The following SMTN variants were observed in gnomAD, a reference collection of about 807,000 sequenced individuals.
The protein encoded by SMTN is smoothelin.
Under a neutral mutation model 102.0 loss-of-function variants are expected in SMTN, and 58 were observed. The observed-to-expected ratio is 0.57, with a 90% CI of 0.46 to 0.71. The LOEUF (loss-of-function observed/expected upper bound fraction) is 0.71. Among genes scored for constraint, SMTN ranks in the 30% least tolerant of loss-of-function variants. SMTN has a pLI of 0.00. For missense variants in SMTN, 1,185 were observed against 1,241.7 expected, an observed-to-expected ratio of 0.95 and a Z score of 0.69; for synonymous variants, 478 against 497.9, an observed-to-expected ratio of 0.96 and a Z score of 0.53.
intron 8 of SMTN, 142 bp from the exon 9 acceptor site, chr22:31,090,666 G>C (rs2043057453): frequency 5.5e-6 from 4 of 722,696 alleles, no homozygotes; most frequent in Non-Finnish European, 9.9e-6. Flanking sequence ...GGAGGGGATG[G>C]AGAGGTGGGG....
intron 2 of SMTN, among the ~76,000 whole-genome samples, chr22:31,086,607 C>G (rs1183937242): frequency 1.3e-5 from 2 of 152,216 alleles, no homozygotes; most frequent in Non-Finnish European, 2.9e-5. Context: ...GGCCAAGTCA[C>G]TGTTCCCAAC....
rs2147649337 is a variant in SMTN at position 31,088,690 on chromosome 22, T to C, written c.295-9T>C. 6.2e-7 allele frequency: 1 copy of C among 1,613,990 alleles called. No homozygotes were observed. The highest frequency in any genetic ancestry group is 1.1e-5 in the South Asian group (1 of 91,072). On this transcript the variant is annotated splice_polypyrimidine_tract_variant and intron_variant, in intron 4 of 20. Transcript: ENST00000333137. The stretch of plus-strand genomic sequence containing the variant: ...AGCCCAACACCCGCGACCTGTCTCT[T>C]ACCCACAGTTGCGAAGCGCTGGTGA...
chr22:31,088,163 T>G, intron 3 of SMTN, 50 bp downstream of exon 3: 1 of 1,539,452 alleles, frequency 6.5e-7, no homozygotes, highest in Non-Finnish European at 8.8e-7. Context: ...GTGTGAGCCC[T>G]GGCTCAGCTC....
At chr22:31,076,839 G>T (rs1276140681), upstream of SMTN, among the ~76,000 whole-genome samples, 1 of 152,162 alleles carries the variant, frequency 6.6e-6, no homozygotes. Context: ...ACACTGACAG[G>T]TTGGTAAAAT....
rs770090532 is a variant in SMTN, at chr22:31,099,908, C to A, written c.2603+12C>A. 6.2e-7 allele frequency: 1 copy of A among 1,612,358 alleles called. No individual in the cohort carries two copies. Among genetic ancestry groups the A allele is most frequent in the Non-Finnish European group, 8.5e-7 (1 of 1,178,846 alleles). ...TTCTCATCTGCGGAGTAAGTGTGGG[C>A]CCTGGCCCTGCTAATGTTGCTGCAC... is the stretch of plus-strand genomic sequence containing the variant. On this transcript the variant is annotated intron_variant, in intron 19 of 20. Transcript: ENST00000333137.
At chr22:31,064,498 G>A (rs1294020009) in intron 1 of SMTN, 1 of 152,200 alleles carries the variant, frequency 6.6e-6, no homozygotes, top group African/African-American at 2.4e-5. Context: ...GATTTCATAG[G>A]TTTTTTATTT....
chr22:31,103,090 A>T (rs2044226668), intron 20 of SMTN: 1 of 152,176 alleles, frequency 6.6e-6, no homozygotes, highest in South Asian at 2.1e-4. Flanking sequence ...ACTAAAACAG[A>T]GGTGTTCGGT....
In SMTN at chr22:31,096,727, G is replaced by T. The variant is rs1464848447; in HGVS notation, c.1862-6G>T. On this transcript the variant is annotated splice_region_variant and splice_polypyrimidine_tract_variant and intron_variant, in intron 13 of 20. Transcript: ENST00000333137. ...TTTGCGCATGCATGGGGCATCCCCT[G>T]CCCAGACCAGCGGGACAAGGAGCGG... 6.5e-7 allele frequency: 1 copy of T among 1,542,550 alleles called. No homozygotes were observed. The highest frequency in any genetic ancestry group is 1.4e-5 in the African/African-American group (1 of 73,344).
Position 31,089,684 on chromosome 22 carries a change from G to A in SMTN, c.472-15G>A, listed in dbSNP as rs1404600153. The A allele has an allele frequency of 4.4e-6, 7 of 1,587,232 alleles. No homozygotes were observed. In the Admixed American group the frequency reaches 8.4e-5, roughly 19 times the overall value. On this transcript the variant is annotated splice_polypyrimidine_tract_variant and intron_variant, in intron 6 of 20. Coordinates refer to ENST00000333137, the MANE Select transcript of SMTN (RefSeq NM_134269.3). ...GCCTAGGGAGCCTTGGTTGCATCCT[G>A]TGGGTCCCTTACAGGTGCCAGAGCG...
chr22:31,091,100 G>A lies in SMTN; in HGVS notation c.1077G>A (p.Leu359=), dbSNP rs1371523607. 3 of 1,613,884 alleles carry A rather than the reference G, an allele frequency of 1.9e-6. No homozygotes were observed. The highest frequency in any genetic ancestry group is 2.2e-5 in the South Asian group (2 of 91,068). Residue 359 remains leucine (L), a synonymous_variant, in exon 10 of 21, where the codon CTG becomes CTA. Transcript: ENST00000333137. ...DGTPQAALSP[L]TPARLLGPSL... ...CACCCCAGGCTGCCCTAAGTCCCCT[G>A]ACCCCCGCAAGGCTCCTGGGCCCCT...
At chr22:31,085,405 C>A in intron 2 of SMTN, 3 of 931,920 alleles carry the variant, frequency 3.2e-6, no homozygotes, top group Non-Finnish European at 3.1e-6. Flanking sequence ...CATGGGCAAC[C>A]GGGGGAGCTG....
chr22:31,088,988 T>TAAGGAG lies in SMTN; in HGVS notation c.471+19_471+20insAAGGAG. On this transcript the variant is annotated intron_variant, in intron 6 of 20. Transcript: ENST00000333137. ...GTGTGAGGTAAGGAGGGTGGGAGAG[T>TAAGGAG]GGCCCAGTGTCCTGTGCCCATGGAT... The TAAGGAG allele has an allele frequency of 3.1e-6, 5 of 1,596,168 alleles. No homozygotes were observed. Among genetic ancestry groups the TAAGGAG allele is most frequent in the Non-Finnish European group, 4.3e-6 (5 of 1,164,806 alleles).
chr22:31,091,529 C>T (rs577082332), intron 10 of SMTN, 47 bp downstream of exon 10: 61 of 1,513,024 alleles, frequency 4.0e-5, no homozygotes, highest in Middle Eastern at 3.6e-4. Context: ...TGCCTGCAAC[C>T]GCACTTCTGC....
intron 7 of SMTN, 32 bp from the exon 8 acceptor site, chr22:31,090,076 C>G (rs1422284911): frequency 6.2e-7 from 1 of 1,610,730 alleles, no homozygotes; most frequent in Admixed American, 1.7e-5. Flanking sequence ...GGGAGTCAGG[C>G]CTTGCTCAGG....
At position 31,089,215 on chromosome 22, in the gene SMTN, G is replaced by A. The variant is rs562428847; in HGVS notation, c.471+246G>A. On this transcript the variant is annotated intron_variant, in intron 6 of 20. Transcript: ENST00000333137. ...GCCCACATCTTTACCTTGGCTTATG[G>A]GGCCTGCATGTCAGACCCCAGCTGG... Among the ~76,000 whole-genome samples the A allele has an allele frequency of 1.5e-4, 23 of 152,288 alleles. 1 individual carries two copies. The South Asian group carries it at 4.8e-3, about 32-fold the overall frequency.
In SMTN at chr22:31,098,690, C is replaced by T; in HGVS notation, c.2183C>T (p.Ala728Val). 6.2e-7 allele frequency: 1 copy of T among 1,613,552 alleles called. No homozygotes were observed. The highest frequency in any genetic ancestry group is 2.2e-5 in the East Asian group (1 of 44,874). The change falls in exon 17 of 21, where the codon GCC (alanine) becomes GTC (valine). Residue 728 changes from alanine to valine, a missense_variant. Ala to Val is a moderately conservative substitution (Grantham distance 64). This residue lies in a region of SMTN where 1,096 missense variants were observed against 1,112.7 expected (regional missense o/e 0.98). Transcript: ENST00000333137. ...AGCATCTTCGACCGCGAGGACCAGG[C>T]CAGCCCACGGGCCGGCAGCCTGGCG... ...MGSIFDREDQ[A>V]SPRAGSLAAL...
intron 1 of SMTN, chr22:31,068,041 AC>A (rs1294320251): frequency 6.6e-6 from 1 of 152,226 alleles, no homozygotes; most frequent in Non-Finnish European, 1.5e-5. Flanking sequence ...ACAGTGGCTC[AC>A]ATTTGTAATC....
At chr22:31,096,959 C>G in intron 14 of SMTN, 39 bp from the exon 15 acceptor site, 1 of 1,613,692 alleles carries the variant, frequency 6.2e-7, no homozygotes, top group Non-Finnish European at 8.5e-7. Flanking sequence ...CCCCAGCCCC[C>G]TGTGCCTTTC....
chr22:31,100,375 G>T (rs1229821317), intron 19 of SMTN, among the ~76,000 whole-genome samples: 2 of 151,958 alleles, frequency 1.3e-5, no homozygotes, highest in Non-Finnish European at 2.9e-5. Flanking sequence ...TCGTTGCCCC[G>T]TCTGCTCACC....
Sources: allele counts gnomAD v4.1 joint callset (sites outside exome capture counted in the v4.1 genomes callset), GRCh38; gene constraint gnomAD v4.1.1; regional missense constraint gnomAD v4.1.1; transcripts MANE v1.5; gene names NCBI Gene and HGNC (gene_info 2026-07-23, HGNC 2026-07-21).